The following BRIP1 variants were observed in gnomAD, a reference collection of about 807,000 sequenced individuals.
BRIP1 encodes the protein Fanconi anemia group J protein.
BRIP1 carries 88 observed loss-of-function variants against 119.7 expected under a neutral mutation model. The observed-to-expected ratio is 0.74, with a 90% CI of 0.62 to 0.88. The LOEUF (loss-of-function observed/expected upper bound fraction) is 0.88, where lower values mean the gene tolerates loss of function less well. BRIP1 is among the 40% of genes least tolerant of loss of function. The probability of loss-of-function intolerance (pLI) is 0.00; values close to 1 mark genes in which losing one functional copy is unlikely to be tolerated. For synonymous variants in BRIP1, 443 were observed against 496.5 expected, an observed-to-expected ratio of 0.89 and a Z score of 1.43; for missense variants, 1,259 against 1,455.4, an observed-to-expected ratio of 0.87 and a Z score of 2.20.
intron 10 of BRIP1, 51 bp from the exon 11 acceptor site, chr17:61,784,475 A>C (rs1409720009): frequency 5.3e-6 from 8 of 1,508,868 alleles, no homozygotes; most frequent in Non-Finnish European, 6.4e-6. Context: ...GGAATTGGAA[A>C]AAGAAACTTC....
In BRIP1 at chr17:61,780,120, T is replaced by C; in HGVS notation, c.1935+141A>G. The C allele has an allele frequency of 2.2e-6, 2 of 898,644 alleles. No individual in the cohort carries two copies. The highest frequency in any genetic ancestry group is 3.5e-4 in the Middle Eastern group (1 of 2,872). The allele number at this position is 898,644 out of a possible 1,614,324, so 55.7% of individuals were successfully genotyped here. On this transcript the variant is annotated intron_variant, in intron 13 of 19. Coordinates refer to ENST00000259008, the MANE Select transcript of BRIP1 (RefSeq NM_032043.3). This position sits in a 1 kb window ranked among gnomAD's most constrained non-coding sequence, Gnocchi z 5.4. ...ACACATCATTAAGTAGCTGACAGAT[T>C]TTCTTTTATTGTAAAACTGGAATGT... is the stretch of plus-strand genomic sequence containing the variant.
rs568969999 is a variant in BRIP1, at chr17:61,832,770, C to T, written c.627+14331G>A. Among the ~76,000 whole-genome samples the T allele has an allele frequency of 8.5e-5, 13 of 152,268 alleles. No individual in the cohort carries two copies. Among genetic ancestry groups the T allele is most frequent in the African/African-American group, 3.1e-4 (13 of 41,540 alleles). ...TGCTTTTATAAAAGCGTTATTAAGA[C>T]AACTGCTAAAATTTAAACCGGTTCT... On this transcript the variant is annotated intron_variant, in intron 6 of 19. Transcript: ENST00000259008. The surrounding 1 kb of genome is among the most constrained non-coding windows in gnomAD (Gnocchi z 5.5).
chr17:61,799,289 T>C lies in BRIP1; in HGVS notation c.1151A>G (p.Asn384Ser), dbSNP rs1060501750. The C allele has an allele frequency of 6.2e-7, 1 of 1,611,782 alleles. No homozygotes were observed. The highest frequency in any genetic ancestry group is 8.5e-7 in the Non-Finnish European group (1 of 1,178,212). ...TAAAATGACAACCTGTTCTTTCAGA[T>C]TTAAATCCATCTATAAGATAAAAGA... ...DAQIRESMDL[N>S]LKEQVVILDE... Residue 384 changes from asparagine to serine, a missense_variant, in exon 9 of 20, where the codon AAT becomes AGT. Asn to Ser is a conservative substitution (Grantham distance 46). Around this residue, in one of 3 missense-constraint regions of BRIP1, gnomAD observed 501 missense variants for 544.0 expected, o/e 0.92. Coordinates refer to ENST00000259008, the MANE Select transcript of BRIP1 (RefSeq NM_032043.3). This position sits in a 1 kb window ranked among gnomAD's most constrained non-coding sequence, Gnocchi z 5.1.
rs1325317591 is a variant in BRIP1 at position 61,716,041 on chromosome 17, T to C, written c.2402A>G (p.Asn801Ser). 3.7e-6 allele frequency: 6 copies of C among 1,604,236 alleles called. No homozygotes were observed. In the Admixed American group the frequency reaches 1.0e-4, roughly 27 times the overall value. The change falls in exon 17 of 20, where the codon AAT becomes AGT. Residue 801 changes from asparagine to serine, a missense_variant. Physicochemically the swap from Asn to Ser is conservative, Grantham distance 46. Coordinates refer to ENST00000259008, the MANE Select transcript of BRIP1 (RefSeq NM_032043.3). ...DLQVELKRQYNDHHSKLRGLL... is the reference protein window; with the variant it reads ...DLQVELKRQYSDHHSKLRGLL... The stretch of plus-strand genomic sequence containing the variant: ...ACCTCTCAATTTTGAATGGTGGTCA[T>C]TGTATTGTCGTTTTAGTTCAACCTA...
At chr17:61,765,354 A>ATG (rs146643187) in intron 14 of BRIP1, among the ~76,000 whole-genome samples, 8,636 of 40,678 alleles carry the variant, frequency 0.21, 1,754 homozygotes, top group East Asian at 0.45. Flanking sequence ...ATACATATGT[A>ATG]TGTGTGTGTG....
At position 61,726,152 on chromosome 17, in the gene BRIP1, C is replaced by T. The variant is rs1567764776; in HGVS notation, c.2380-10089G>A. Among the ~76,000 whole-genome samples the T allele has an allele frequency of 6.6e-6, 1 of 152,186 alleles. No individual in the cohort carries two copies. Among genetic ancestry groups the T allele is most frequent in the Non-Finnish European group, 1.5e-5 (1 of 68,038 alleles). ...TTAGGTTGTTTGACCTTGGACAAGT[C>T]ACAGTAGCCCTTTATAATTTCCTTT... On this transcript the variant is annotated intron_variant, in intron 16 of 19. Coordinates refer to ENST00000259008, the MANE Select transcript of BRIP1 (RefSeq NM_032043.3). This position sits in a 1 kb window ranked among gnomAD's most constrained non-coding sequence, Gnocchi z 6.2.
rs2076828580 is a variant in BRIP1, at chr17:61,730,384, A to T, written c.2379+12629T>A. Among the ~76,000 whole-genome samples the T allele has an allele frequency of 6.6e-6, 1 of 152,204 alleles. No homozygotes were observed. The highest frequency in any genetic ancestry group is 1.5e-5 in the Non-Finnish European group (1 of 68,040). On this transcript the variant is annotated intron_variant, in intron 16 of 19. Coordinates refer to ENST00000259008, the MANE Select transcript of BRIP1 (RefSeq NM_032043.3). This position sits in a 1 kb window ranked among gnomAD's most constrained non-coding sequence, Gnocchi z 4.3. ...ACTAAAATTCTCCTCAAAAGAAAAA[A>T]ATTAGTTATTTTCAGAGAAGCTAAA...
At chr17:61,773,826 C>T (rs1177029333) in intron 14 of BRIP1, among the ~76,000 whole-genome samples, 1 of 152,074 alleles carries the variant, frequency 6.6e-6, no homozygotes, top group Non-Finnish European at 1.5e-5. Flanking sequence ...CCAACAGACA[C>T]ATGAAAAAAT....
rs939099978 is a variant in BRIP1, at chr17:61,730,720, T to A, written c.2379+12293A>T. ...GCTTTATGTATTTATTTATTTATTT[T>A]TTGCTAAGGAAATACAATGACATGA... On this transcript the variant is annotated intron_variant, in intron 16 of 19. Transcript: ENST00000259008. The surrounding 1 kb of genome is among the most constrained non-coding windows in gnomAD (Gnocchi z 4.3). Among the ~76,000 whole-genome samples the A allele has an allele frequency of 1.3e-5, 2 of 151,912 alleles. No homozygotes were observed. Among genetic ancestry groups the A allele is most frequent in the Admixed American group, 6.6e-5 (1 of 15,260 alleles).
In BRIP1 at chr17:61,683,775, G is replaced by T; in HGVS notation, c.3271C>A (p.His1091Asn). Residue 1091 changes from histidine (H) to asparagine (N), a missense_variant, in exon 20 of 20, where the codon CAT becomes AAT. Physicochemically the swap from His to Asn is moderately conservative, Grantham distance 68. Coordinates refer to ENST00000259008, the MANE Select transcript of BRIP1 (RefSeq NM_032043.3). This position sits in a 1 kb window ranked among gnomAD's most constrained non-coding sequence, Gnocchi z 4.7. ...AGGGCTTCTTCAGAACAGAGCGGAT[G>T]TTCAGAATGATTTTTTCTAGTAAGG... Reference protein sequence around the residue: ...ATLTRKNHSEHPLCSEEALDP... With the variant: ...ATLTRKNHSENPLCSEEALDP... The T allele has an allele frequency of 6.2e-7, 1 of 1,614,150 alleles. No homozygotes were observed. The highest frequency in any genetic ancestry group is 8.5e-7 in the Non-Finnish European group (1 of 1,180,026).
Position 61,684,088 on chromosome 17 carries a change from G to A in BRIP1, c.2958C>T (p.Ser986=), listed in dbSNP as rs1603275662. 3 of 1,613,426 alleles carry A rather than the reference G, an allele frequency of 1.9e-6. No homozygotes were observed. Among genetic ancestry groups the A allele is most frequent in the African/African-American group, 1.3e-5 (1 of 74,930 alleles). The change falls in exon 20 of 20, where the codon TCC becomes TCT. Residue 986 remains serine (S), a synonymous_variant. Transcript: ENST00000259008. This position sits in a 1 kb window ranked among gnomAD's most constrained non-coding sequence, Gnocchi z 4.5. ...TGTTGAAAGTTGGGCTTGTGGATCT[G>A]GAAATCACAATTTTTTCTGCTTTCC... ...EAGKAEKIVI[S]RSTSPTFNKQ...
At position 61,705,107 on chromosome 17, in the gene BRIP1, T is replaced by C. The variant is rs138888614; in HGVS notation, c.2492+10844A>G. Among the ~76,000 whole-genome samples the C allele has an allele frequency of 4.7e-3, 721 of 152,254 alleles. 6 individuals carry two copies. The highest frequency in any genetic ancestry group is 0.016 in the African/African-American group (683 of 41,566). On this transcript the variant is annotated intron_variant, in intron 17 of 19. Coordinates refer to ENST00000259008, the MANE Select transcript of BRIP1 (RefSeq NM_032043.3). This position sits in a 1 kb window ranked among gnomAD's most constrained non-coding sequence, Gnocchi z 5.0. ...CCCTCCTTCTCTGCCTCCACTTACA[T>C]TCATTCCCTAGTGTCTATGTTCCCA...
At chr17:61,692,497 C>T (rs1364922333) in intron 18 of BRIP1, among the ~76,000 whole-genome samples, 1 of 151,646 alleles carries the variant, frequency 6.6e-6, no homozygotes, top group African/African-American at 2.4e-5. Context: ...AAAACCAAAC[C>T]AAAAAAACAG....
rs1393303124 is a variant in BRIP1, at chr17:61,717,767, C to A, written c.2380-1704G>T. 1.3e-5 allele frequency among the ~76,000 whole-genome samples: 2 copies of A among 151,946 alleles called. No homozygotes were observed. The highest frequency in any genetic ancestry group is 4.8e-5 in the African/African-American group (2 of 41,382). On this transcript the variant is annotated intron_variant, in intron 16 of 19. Transcript: ENST00000259008. This position sits in a 1 kb window ranked among gnomAD's most constrained non-coding sequence, Gnocchi z 4.1. ...TATTTCTCTAAATATATATATTATT[C>A]TGCCTCGAAACTCTTCTTCTTAGAC...
chr17:61,737,335 C>A (rs1399065805), intron 16 of BRIP1, among the ~76,000 whole-genome samples: 1 of 152,122 alleles, frequency 6.6e-6, no homozygotes, highest in Non-Finnish European at 1.5e-5. Context: ...AAAAGATTCA[C>A]TTAGATATAA....
At position 61,795,846 on chromosome 17, in the gene BRIP1, G is replaced by A. The variant is rs1373344271; in HGVS notation, c.1341-2117C>T. ...GAACTTCCAAATTGTTCTTCATAGT[G>A]GTTGTCCTAATTTACATTCCCACCA... On this transcript the variant is annotated intron_variant, in intron 9 of 19. Transcript: ENST00000259008. This position sits in a 1 kb window ranked among gnomAD's most constrained non-coding sequence, Gnocchi z 5.6. Among the ~76,000 whole-genome samples, 1 of 152,054 alleles carries A rather than the reference G, an allele frequency of 6.6e-6. No individual in the cohort carries two copies. Among genetic ancestry groups the A allele is most frequent in the Non-Finnish European group, 1.5e-5 (1 of 67,988 alleles).
rs1045943321 is a variant in BRIP1 at position 61,738,714 on chromosome 17, C to T, written c.2379+4299G>A. On this transcript the variant is annotated intron_variant, in intron 16 of 19. Coordinates refer to ENST00000259008, the MANE Select transcript of BRIP1 (RefSeq NM_032043.3). This position sits in a 1 kb window ranked among gnomAD's most constrained non-coding sequence, Gnocchi z 4.2. ...GGAGAAAAGAGAAATGGAATTTTCT[C>T]ACAAATGTATATTTTTAATTTTAAG... Among the ~76,000 whole-genome samples the T allele has an allele frequency of 1.3e-5, 2 of 152,066 alleles. No homozygotes were observed. The highest frequency in any genetic ancestry group is 1.3e-4 in the Admixed American group (2 of 15,252).
chr17:61,727,827 G>C (rs1015228781), intron 16 of BRIP1, among the ~76,000 whole-genome samples: 14 of 151,004 alleles, frequency 9.3e-5, no homozygotes, highest in African/African-American at 2.9e-4. Context: ...CATGAGCAAA[G>C]GTTTGATTTT....
In BRIP1 at chr17:61,745,041, A is replaced by G. The variant is rs1341792811; in HGVS notation, c.2098-450T>C. Among the ~76,000 whole-genome samples the G allele has an allele frequency of 2.0e-5, 3 of 152,214 alleles. No individual in the cohort carries two copies. The highest frequency in any genetic ancestry group is 4.8e-5 in the African/African-American group (2 of 41,468). On this transcript the variant is annotated intron_variant, in intron 14 of 19. Coordinates refer to ENST00000259008, the MANE Select transcript of BRIP1 (RefSeq NM_032043.3). The surrounding 1 kb of genome is among the most constrained non-coding windows in gnomAD (Gnocchi z 4.4). ...TTTAAACCTAAGGTGAAGTTTCTTAATATTCTTAAATAGTCTTCAAATGAA... is the reference window on the plus strand; with the variant it reads ...TTTAAACCTAAGGTGAAGTTTCTTAGTATTCTTAAATAGTCTTCAAATGAA...
Sources: gnomAD v4.1 joint callset for allele counts (sites outside exome capture counted in the v4.1 genomes callset) on GRCh38, gnomAD v4.1.1 for gene constraint, gnomAD v4.1.1 regional missense constraint, Gnocchi (gnomAD v3.1) non-coding constraint, MANE v1.5 for transcripts, NCBI Gene and HGNC (gene_info 2026-07-23, HGNC 2026-07-21) for gene names.